The following TRPC6 variants were observed in gnomAD, a reference collection of about 807,000 sequenced individuals.
TRPC6 encodes short transient receptor potential channel 6.
In TRPC6, 55 loss-of-function variants were observed where a neutral mutation model predicts 90.7. That is an observed-to-expected ratio of 0.61 (90% CI 0.49 to 0.76). The LOEUF (loss-of-function observed/expected upper bound fraction) is 0.76. Ranked by LOEUF, TRPC6 falls within the 30% of genes least tolerant of loss-of-function variation. The pLI is 0.00. For synonymous variants in TRPC6, 393 were observed against 393.0 expected (o/e 1.00, Z 0.00); for missense variants, 989 against 1,122.7 (o/e 0.88, Z 1.70).
At chr11:101,547,454 T>C (rs1861333078) in intron 1 of TRPC6, among the ~76,000 whole-genome samples, 2 of 152,144 alleles carry the variant, frequency 1.3e-5, no homozygotes, top group Non-Finnish European at 2.9e-5. Flanking sequence ...GCCAAGAACA[T>C]TTTGTAGGAA....
intron 1 of TRPC6, among the ~76,000 whole-genome samples, chr11:101,579,265 C>T (rs573945412): frequency 2.0e-5 from 3 of 151,652 alleles, no homozygotes; most frequent in Admixed American, 1.3e-4. Context: ...TTCTATTTGT[C>T]CTTTTCTTTA....
chr11:101,567,543 T>C (rs1026983788), intron 1 of TRPC6, among the ~76,000 whole-genome samples: 3 of 152,136 alleles, frequency 2.0e-5, no homozygotes, highest in African/African-American at 7.2e-5. Context: ...CCGCAAGTGG[T>C]TCCCTGAACC....
At chr11:101,504,901 T>A in intron 1 of TRPC6, 103 bp from the exon 2 acceptor site, 1 of 1,323,028 alleles carries the variant, frequency 7.6e-7, no homozygotes, top group Non-Finnish European at 1.0e-6. Context: ...ATATTAGATG[T>A]TGTCTCATCA....
intron 10 of TRPC6, among the ~76,000 whole-genome samples, chr11:101,468,253 T>TCTTAA (rs1481781391): frequency 1.3e-5 from 2 of 152,240 alleles, no homozygotes; most frequent in Non-Finnish European, 2.9e-5. Context: ...AAATTCCTAA[T>TCTTAA]CTTAACTAGG....
chr11:101,504,907 C>T, intron 1 of TRPC6, 109 bp from the exon 2 acceptor site: 1 of 1,283,118 alleles, frequency 7.8e-7, no homozygotes. Context: ...GATGTTGTCT[C>T]ATCATCTCTA....
chr11:101,569,253 G>A (rs889561615), intron 1 of TRPC6, among the ~76,000 whole-genome samples: 2 of 150,640 alleles, frequency 1.3e-5, no homozygotes, highest in Non-Finnish European at 3.0e-5. Context: ...AACCAACAAA[G>A]ATCAAATGAA....
rs149842790 is a variant in TRPC6, at chr11:101,581,645, A to G, written c.170+1689T>C. 3.3e-3 allele frequency among the ~76,000 whole-genome samples: 496 copies of G among 152,336 alleles called. 8 individuals are homozygous for G. Among genetic ancestry groups the G allele is most frequent in the South Asian group, 0.012 (56 of 4,826 alleles). On this transcript the variant is annotated intron_variant, in intron 1 of 12. Transcript: ENST00000344327. ...AGTTTAACCAATAAAAATTCCATCTATGTCTTAAACTTACACCTTCAAAGT... is the reference window on the plus strand; with the variant it reads ...AGTTTAACCAATAAAAATTCCATCTGTGTCTTAAACTTACACCTTCAAAGT...
chr11:101,559,457 G>A (rs1296642191), intron 1 of TRPC6, among the ~76,000 whole-genome samples: 1 of 152,126 alleles, frequency 6.6e-6, no homozygotes, highest in African/African-American at 2.4e-5. Flanking sequence ...TGTCACCATA[G>A]GTTTTAACAA....
chr11:101,516,555 A>G (rs1356810043), intron 1 of TRPC6, among the ~76,000 whole-genome samples: 1 of 152,196 alleles, frequency 6.6e-6, no homozygotes, highest in Non-Finnish European at 1.5e-5. Flanking sequence ...AACAATACAA[A>G]TTAGCTCAAA....
At chr11:101,572,243 T>A (rs1253977387) in intron 1 of TRPC6, among the ~76,000 whole-genome samples, 1 of 148,412 alleles carries the variant, frequency 6.7e-6, no homozygotes, top group East Asian at 1.9e-4. Flanking sequence ...AAGAAGACAT[T>A]TTTGTAGCCA....
In TRPC6 at chr11:101,583,475, CG is replaced by C; in HGVS notation, c.28del (p.Arg10GlyfsTer70). On this transcript the variant is annotated frameshift_variant, in exon 1 of 13. Transcript: ENST00000344327. LOFTEE classifies it high-confidence loss of function. MSQSPAFGP[R>X]RGSSPRGAAG... ...AGCGCCCCGGGGAGAACTGCCCCTC[CG>C]GGGCCCGAACGCCGGGCTCTGGCTC... 6.6e-7 allele frequency: 1 copy of C among 1,515,974 alleles called. No homozygotes were observed. Among genetic ancestry groups the C allele is most frequent in the Non-Finnish European group, 8.8e-7 (1 of 1,130,042 alleles). The allele number at this position is 1,515,974 out of a possible 1,614,324, so 93.9% of individuals were successfully genotyped here.
intron 1 of TRPC6, among the ~76,000 whole-genome samples, chr11:101,582,548 C>A (rs1052663563): frequency 8.0e-6 from 1 of 125,034 alleles, no homozygotes; most frequent in Non-Finnish European, 1.7e-5. Context: ...ACCTCCCCTC[C>A]CGCCACCCAC....
intron 1 of TRPC6, 41 bp from the exon 2 acceptor site, chr11:101,504,839 A>G: frequency 6.2e-7 from 1 of 1,604,144 alleles, no homozygotes; most frequent in African/African-American, 1.3e-5. Flanking sequence ...TCACATTAAG[A>G]GCATTTTAGT....
intron 1 of TRPC6, among the ~76,000 whole-genome samples, chr11:101,552,912 A>G (rs1259495412): frequency 1.3e-5 from 2 of 152,156 alleles, no homozygotes; most frequent in Non-Finnish European, 2.9e-5. Context: ...TTTCTGTTTC[A>G]AGTGGCAGAA....
At chr11:101,499,595 T>C (rs1344605097) in intron 2 of TRPC6, among the ~76,000 whole-genome samples, 4 of 117,676 alleles carry the variant, frequency 3.4e-5, no homozygotes, top group Non-Finnish European at 1.7e-5. Flanking sequence ...CGTATATATA[T>C]ACGTATATAT....
At chr11:101,454,986 C>T in intron 11 of TRPC6, 32 bp downstream of exon 11, 1 of 1,535,636 alleles carries the variant, frequency 6.5e-7, no homozygotes, top group Non-Finnish European at 9.0e-7. Flanking sequence ...TTACAAGTAA[C>T]TAGTTTTATT....
intron 10 of TRPC6, among the ~76,000 whole-genome samples, chr11:101,458,539 CT>C: frequency 6.6e-6 from 1 of 152,292 alleles, no homozygotes; most frequent in Middle Eastern, 3.4e-3. Flanking sequence ...TTATGCTATC[CT>C]TTCAGACTGT....
At chr11:101,483,432 T>C (rs922295125) in intron 4 of TRPC6, among the ~76,000 whole-genome samples, 2 of 152,312 alleles carry the variant, frequency 1.3e-5, no homozygotes, top group Admixed American at 1.3e-4. Context: ...TTAAAATATA[T>C]AATATCGTTG....
intron 5 of TRPC6, among the ~76,000 whole-genome samples, chr11:101,477,230 TG>T (rs1270978005): frequency 1.3e-5 from 2 of 151,250 alleles, no homozygotes; most frequent in Non-Finnish European, 1.5e-5. Flanking sequence ...CTCTGTCCCT[TG>T]GGGTTTGACT....
Sources: gnomAD v4.1 joint callset for allele counts (sites outside exome capture counted in the v4.1 genomes callset) on GRCh38, gnomAD v4.1.1 for gene constraint, MANE v1.5 for transcripts, NCBI Gene and HGNC (gene_info 2026-07-23, HGNC 2026-07-21) for gene names.